DNAJC13: variants seen among roughly 807,000 people sequenced by gnomAD.
DNAJC13 encodes dnaJ homolog subfamily C member 13.
DNAJC13 carries 75 observed loss-of-function variants against 290.5 expected under a neutral mutation model. That is an observed-to-expected ratio of 0.26 (90% CI 0.21 to 0.31). DNAJC13 has a LOEUF of 0.31. Ranked by LOEUF, DNAJC13 falls within the 10% of genes least tolerant of loss-of-function variation. The pLI is 1.00. For synonymous variants in DNAJC13, 862 were observed against 892.0 expected, an observed-to-expected ratio of 0.97 and a Z score of 0.60; for missense variants, 2,260 against 2,674.5, an observed-to-expected ratio of 0.85 and a Z score of 3.42.
At chr3:132,460,449 T>A in intron 14 of DNAJC13, 92 bp downstream of exon 14, 6 of 811,412 alleles carry the variant, frequency 7.4e-6, no homozygotes, top group East Asian at 2.7e-5. Context: ...TTTTTTTTTT[T>A]TATTGTAGCC....
At chr3:132,449,833 A>G (rs146600831) in intron 5 of DNAJC13, among the ~76,000 whole-genome samples, 27 of 152,244 alleles carry the variant, frequency 1.8e-4, no homozygotes, top group African/African-American at 5.8e-4. Context: ...GGTGGGGGAG[A>G]GGATACTCAT....
chr3:132,482,155 A>G (rs1934698624), intron 26 of DNAJC13, 71 bp from the exon 27 acceptor site: 2 of 1,308,378 alleles, frequency 1.5e-6, no homozygotes, highest in African/African-American at 1.5e-5. Context: ...CTGCTGTGCA[A>G]CTTTGTTTTA....
At chr3:132,500,391 A>C (rs1388173842) in intron 38 of DNAJC13, among the ~76,000 whole-genome samples, 1 of 152,228 alleles carries the variant, frequency 6.6e-6, no homozygotes, top group Non-Finnish European at 1.5e-5. Context: ...AACTATACAA[A>C]ATTACCTTAA....
chr3:132,438,894 A>G (rs1031571148), intron 2 of DNAJC13, among the ~76,000 whole-genome samples: 4 of 152,168 alleles, frequency 2.6e-5, no homozygotes, highest in African/African-American at 9.7e-5. Flanking sequence ...GAGTAGATTC[A>G]GGGGGGAAAA....
intron 19 of DNAJC13, among the ~76,000 whole-genome samples, chr3:132,466,840 G>C (rs1168207651): frequency 2.6e-5 from 4 of 152,074 alleles, no homozygotes; most frequent in Admixed American, 2.0e-4. Flanking sequence ...ATAAGGTTGG[G>C]CCATCCATGG....
At chr3:132,525,154 A>T (rs1398563576) in intron 51 of DNAJC13, among the ~76,000 whole-genome samples, 1 of 152,162 alleles carries the variant, frequency 6.6e-6, no homozygotes, top group Non-Finnish European at 1.5e-5. Flanking sequence ...CAGCCTCAAC[A>T]TGGAGAAACC....
intron 13 of DNAJC13, among the ~76,000 whole-genome samples, chr3:132,459,869 C>G: frequency 6.6e-6 from 1 of 152,126 alleles, no homozygotes; most frequent in East Asian, 1.9e-4. Context: ...GTTTTATACA[C>G]TCAAAAGAAA....
intron 44 of DNAJC13, among the ~76,000 whole-genome samples, chr3:132,512,654 A>T (rs974047922): frequency 1.3e-5 from 2 of 152,200 alleles, no homozygotes; most frequent in African/African-American, 4.8e-5. Flanking sequence ...CCCAGAATAT[A>T]ATTAGGTTGA....
At position 132,455,915 on chromosome 3, in the gene DNAJC13, A is replaced by G. The variant is rs12695578; in HGVS notation, c.933-320A>G. Reference sequence around the variant, plus strand: ...GATTATACAGTTGTATAAATTTATTAAAAATTATCAAACTGTACGTTTTAA... The same window carrying G: ...GATTATACAGTTGTATAAATTTATTGAAAATTATCAAACTGTACGTTTTAA... On this transcript the variant is annotated intron_variant, in intron 9 of 55. Transcript: ENST00000260818. 0.14 allele frequency among the ~76,000 whole-genome samples: 20,662 copies of G among 152,254 alleles called. 1,506 individuals carry two copies. The highest frequency in any genetic ancestry group is 0.25 in the South Asian group (1,190 of 4,822).
chr3:132,456,411 G>C lies in DNAJC13; in HGVS notation c.1099+10G>C, dbSNP rs1298772920. The C allele has an allele frequency of 1.2e-6, 2 of 1,611,148 alleles. No homozygotes were observed. Among genetic ancestry groups the C allele is most frequent in the Non-Finnish European group, 1.7e-6 (2 of 1,179,126 alleles). ...TTAGCTACGCCTCCAAGTAAGTATTGATTTAAATGTAATTACATTTCCACT... is the reference window on the plus strand; with the variant it reads ...TTAGCTACGCCTCCAAGTAAGTATTCATTTAAATGTAATTACATTTCCACT... On this transcript the variant is annotated intron_variant, in intron 10 of 55. Transcript: ENST00000260818.
intron 48 of DNAJC13, 114 bp from the exon 49 acceptor site, chr3:132,522,714 C>A: frequency 1.2e-6 from 1 of 852,336 alleles, no homozygotes; most frequent in Non-Finnish European, 1.8e-6. Flanking sequence ...GGTTATGGCC[C>A]ACATAAGTCA....
chr3:132,485,184 C>T (rs1360063734), intron 29 of DNAJC13, among the ~76,000 whole-genome samples: 3 of 152,078 alleles, frequency 2.0e-5, no homozygotes, highest in Admixed American at 2.0e-4. Context: ...GTTGCCCAGG[C>T]TGAAGTGCAG....
intron 41 of DNAJC13, 44 bp downstream of exon 41, chr3:132,503,425 GA>G: frequency 6.2e-7 from 1 of 1,607,530 alleles, no homozygotes; most frequent in South Asian, 1.1e-5. Context: ...AATAGTGCAA[GA>G]TCCTTTAAGC....
intron 14 of DNAJC13, among the ~76,000 whole-genome samples, 199 bp from the exon 15 acceptor site, chr3:132,460,839 TGTTCCTTTTGAG>T (rs1173011764): frequency 6.6e-6 from 1 of 151,180 alleles, no homozygotes; most frequent in African/African-American, 2.5e-5. Context: ...GAATTTTAAT[TGTTCCTTTTGAG>T]GTATGATGGA....
rs1936251800 is a variant in DNAJC13 at position 132,526,189 on chromosome 3, A to G, written c.6289A>G (p.Asn2097Asp). ...ASLETIGPLM[N>D]GMKKRADTVG... ...TTTAGAGACCATTGGCCCACTGATG[A>G]ATGGAATGAAAAAGCGAGCAGATAC... The change falls in exon 53 of 56, where the codon AAT (asparagine) becomes GAT (aspartate). Residue 2097 changes from asparagine (N) to aspartate (D), a missense_variant. Around this residue, in one of 3 missense-constraint regions of DNAJC13, gnomAD observed 1,494 missense variants for 1,693.7 expected, o/e 0.88. Coordinates refer to ENST00000260818, the MANE Select transcript of DNAJC13 (RefSeq NM_015268.4). 2 of 1,614,120 alleles carry G rather than the reference A, an allele frequency of 1.2e-6. No individual in the cohort carries two copies. Among genetic ancestry groups the G allele is most frequent in the South Asian group, 2.2e-5 (2 of 91,078 alleles).
At chr3:132,454,314 ATTTTTTTTT>A (rs71622093) in intron 9 of DNAJC13, among the ~76,000 whole-genome samples, 157 bp downstream of exon 9, 2 of 86,122 alleles carry the variant, frequency 2.3e-5, no homozygotes, top group East Asian at 3.6e-4. Flanking sequence ...CCCATTTTCA[ATTTTTTTTT>A]TTTTTTTTTT....
chr3:132,448,068 C>G, intron 5 of DNAJC13, 129 bp downstream of exon 5: 1 of 598,272 alleles, frequency 1.7e-6, no homozygotes, highest in African/African-American at 1.9e-5. Context: ...ATTGTAATGT[C>G]TCCTGATATC....
intron 1 of DNAJC13, among the ~76,000 whole-genome samples, chr3:132,431,900 T>G (rs1258087268): frequency 6.6e-6 from 1 of 152,186 alleles, no homozygotes. Flanking sequence ...TAACAGAGTT[T>G]CTTACTGGGG....
At position 132,421,444 on chromosome 3, in the gene DNAJC13, T is replaced by TG. The variant is rs577382313; in HGVS notation, c.-14+3686dup. 4.9e-4 allele frequency among the ~76,000 whole-genome samples: 75 copies of TG among 152,332 alleles called. 1 individual carries two copies. The East Asian group carries it at 0.012, about 24-fold the overall frequency. On this transcript the variant is annotated intron_variant, in intron 1 of 55. Coordinates refer to ENST00000260818, the MANE Select transcript of DNAJC13 (RefSeq NM_015268.4). ...CGTGTCAGAGGCTTGTATCTTTACA[T>TG]GGAATCATTTTGAGATTTTTTTTGT...
Sources: allele counts gnomAD v4.1 joint callset (sites outside exome capture counted in the v4.1 genomes callset), GRCh38; gene constraint gnomAD v4.1.1; regional missense constraint gnomAD v4.1.1; transcripts MANE v1.5; gene names NCBI Gene and HGNC (gene_info 2026-07-23, HGNC 2026-07-21).